Variants in NLK observed in about 807,000 individuals in gnomAD.
NLK encodes the protein nemo like kinase.
A neutral mutation model predicts 59.0 loss-of-function variants in NLK; 11 were observed. That is an observed-to-expected ratio of 0.19 (90% CI 0.12 to 0.31). NLK has a LOEUF of 0.31. NLK is among the 10% of genes least tolerant of loss of function. The pLI, the probability that NLK is intolerant of heterozygous loss-of-function variation, is 1.00. For missense variants in NLK, 410 were observed against 661.1 expected, an observed-to-expected ratio of 0.62 and a Z score of 4.16; for synonymous variants, 235 against 235.9, an observed-to-expected ratio of 1.00 and a Z score of 0.03.
chr17:28,193,827 T>A (rs1909394642), intron 10 of NLK, among the ~76,000 whole-genome samples: 1 of 152,236 alleles, frequency 6.6e-6, no homozygotes, highest in Non-Finnish European at 1.5e-5. Flanking sequence ...AGTTGCACTT[T>A]TACTTATCTG....
At chr17:28,052,888 G>GTTTT (rs768444319) in intron 1 of NLK, among the ~76,000 whole-genome samples, 8 of 112,516 alleles carry the variant, frequency 7.1e-5, no homozygotes, top group African/African-American at 2.6e-4. Flanking sequence ...GATCTCTGGT[G>GTTTT]TTTTTTTTTT....
intron 1 of NLK, among the ~76,000 whole-genome samples, chr17:28,086,041 T>G (rs991771763): frequency 6.6e-6 from 1 of 152,206 alleles, no homozygotes; most frequent in Non-Finnish European, 1.5e-5. Context: ...TGTTGTTAAG[T>G]GACACATGAT....
In NLK at chr17:28,122,171, G is replaced by T. The variant is rs1197586111; in HGVS notation, c.459-432G>T. Among the ~76,000 whole-genome samples, 12 of 152,284 alleles carry T rather than the reference G, an allele frequency of 7.9e-5. No homozygotes were observed. The South Asian group carries it at 2.5e-3, about 32-fold the overall frequency. On this transcript the variant is annotated intron_variant, in intron 1 of 10. Transcript: ENST00000407008. ...TAAGAAATCTAAATATTTAAATTGT[G>T]TTTGAACATGTCTTCCCTCTCAAAT...
At chr17:28,099,568 C>CTTTTGTTTTTTTTTTTTTTT (rs1904827980) in intron 1 of NLK, among the ~76,000 whole-genome samples, 1 of 122,968 alleles carries the variant, frequency 8.1e-6, no homozygotes, top group African/African-American at 3.3e-5. Context: ...TTGTGTTTGA[C>CTTTTGTTTTTTTTTTTTTTT]TTTTTTTTTT....
At chr17:28,120,366 C>T (rs965596731) in intron 1 of NLK, among the ~76,000 whole-genome samples, 2 of 151,858 alleles carry the variant, frequency 1.3e-5, no homozygotes, top group African/African-American at 4.8e-5. Flanking sequence ...TCTCAGCCTC[C>T]CAAAGTGCTG....
At chr17:28,075,564 A>G (rs1028777419) in intron 1 of NLK, among the ~76,000 whole-genome samples, 2 of 152,216 alleles carry the variant, frequency 1.3e-5, no homozygotes, top group East Asian at 1.9e-4. Flanking sequence ...TGACACAGCA[A>G]TTGAGCTCTC....
intron 3 of NLK, among the ~76,000 whole-genome samples, chr17:28,149,868 G>C (rs904142822): frequency 1.3e-5 from 2 of 152,160 alleles, no homozygotes; most frequent in African/African-American, 4.8e-5. Flanking sequence ...GTTGAAGATT[G>C]AAGACAGTGA....
At chr17:28,177,623 C>CAGCAGTCCA (rs1316960615) in intron 7 of NLK, among the ~76,000 whole-genome samples, 1 of 152,174 alleles carries the variant, frequency 6.6e-6, no homozygotes, top group Non-Finnish European at 1.5e-5. Context: ...AAGATGGAGC[C>CAGCAGTCCA]AGCAGTCCAG....
At chr17:28,188,980 G>GACACACACAC (rs57423093) in intron 8 of NLK, among the ~76,000 whole-genome samples, 46 of 142,622 alleles carry the variant, frequency 3.2e-4, no homozygotes, top group Admixed American at 3.5e-4. Flanking sequence ...GACAAACACA[G>GACACACACAC]ACACACACAC....
At chr17:28,192,063 C>A in intron 9 of NLK, 57 bp from the exon 10 acceptor site, 2 of 985,454 alleles carry the variant, frequency 2.0e-6, no homozygotes, top group South Asian at 1.4e-5. Context: ...GCTGAGAATT[C>A]ACTGCTCCCG....
chr17:28,078,135 G>A (rs1910228698), intron 1 of NLK, among the ~76,000 whole-genome samples: 1 of 152,060 alleles, frequency 6.6e-6, no homozygotes, highest in South Asian at 2.1e-4. Flanking sequence ...AGAAAGTACT[G>A]TACATTATTT....
At chr17:28,093,258 A>G (rs1167409607) in intron 1 of NLK, among the ~76,000 whole-genome samples, 1 of 152,188 alleles carries the variant, frequency 6.6e-6, no homozygotes, top group Admixed American at 6.5e-5. Context: ...CAGATGCTGG[A>G]AAAATATACA....
intron 1 of NLK, among the ~76,000 whole-genome samples, chr17:28,051,464 T>A (rs1909253728): frequency 1.3e-5 from 2 of 151,858 alleles, no homozygotes; most frequent in South Asian, 4.1e-4. Flanking sequence ...GTTCAAGGGA[T>A]TCTCCTGCCT....
At chr17:28,139,855 A>T (rs1369563295) in intron 3 of NLK, among the ~76,000 whole-genome samples, 1 of 152,206 alleles carries the variant, frequency 6.6e-6, no homozygotes, top group Non-Finnish European at 1.5e-5. Context: ...CTGAAGGAAG[A>T]TACTACAATC....
At chr17:28,075,333 A>G (rs1168736843) in intron 1 of NLK, among the ~76,000 whole-genome samples, 1 of 152,232 alleles carries the variant, frequency 6.6e-6, no homozygotes, top group African/African-American at 2.4e-5. Flanking sequence ...TGCAGTTGCC[A>G]CAAATTCTGA....
At chr17:28,153,157 C>T (rs1027961832) in intron 3 of NLK, among the ~76,000 whole-genome samples, 1 of 151,752 alleles carries the variant, frequency 6.6e-6, no homozygotes, top group Non-Finnish European at 1.5e-5. Context: ...GCCTGTAATC[C>T]CAGCTACTCA....
intron 3 of NLK, among the ~76,000 whole-genome samples, chr17:28,158,153 C>T (rs147834239): frequency 1.3e-5 from 2 of 152,198 alleles, no homozygotes; most frequent in African/African-American, 4.8e-5. Flanking sequence ...GCCTATTACA[C>T]ACCTAAGCTG....
intron 7 of NLK, among the ~76,000 whole-genome samples, chr17:28,183,132 G>A (rs1017069971): frequency 1.3e-5 from 2 of 152,136 alleles, no homozygotes; most frequent in Non-Finnish European, 2.9e-5. Flanking sequence ...GAGGTGGGAG[G>A]ATCGCTTGAG....
rs1348552821 is a variant in NLK, at chr17:28,061,902, TAC to T, written c.458+18573_458+18574del. On this transcript the variant is annotated intron_variant, in intron 1 of 10. Coordinates refer to ENST00000407008, the MANE Select transcript of NLK (RefSeq NM_016231.5). ...TAATATATACATATATACATATACA[TAC>T]ATATATACATATATATACATATATA... 9 of 144,346 alleles carry T rather than the reference TAC, an allele frequency of 6.2e-5. No individual in the cohort carries two copies. In the East Asian group the frequency reaches 9.8e-4, roughly 16 times the overall value. The allele number at this position is 144,346 out of a possible 1,614,324, so 8.9% of individuals were successfully genotyped here. A position where few individuals can be genotyped will look rare whatever the true frequency, so the allele number is the denominator to read the frequency against.
Sources: gnomAD v4.1 joint callset for allele counts (sites outside exome capture counted in the v4.1 genomes callset) on GRCh38, gnomAD v4.1.1 for gene constraint, MANE v1.5 for transcripts, NCBI Gene and HGNC (gene_info 2026-07-23, HGNC 2026-07-21) for gene names.